Variants in PRKCG observed in about 807,000 individuals in gnomAD.
PRKCG encodes the protein protein kinase C gamma type.
In PRKCG, 28 loss-of-function variants were observed where a neutral mutation model predicts 82.0. The ratio of observed to expected loss-of-function variants is 0.34; its 90% CI spans 0.25 to 0.47. The LOEUF (loss-of-function observed/expected upper bound fraction) is 0.47. Ranked by LOEUF, PRKCG falls within the 20% of genes least tolerant of loss-of-function variation. The pLI, the probability that PRKCG is intolerant of heterozygous loss-of-function variation, is 1.00. For missense variants in PRKCG, 640 were observed against 952.7 expected (o/e 0.67, Z 4.32); for synonymous variants, 383 against 376.6 (o/e 1.02, Z -0.20).
chr19:53,891,290 T>C (rs1430795665), intron 5 of PRKCG, among the ~76,000 whole-genome samples: 3 of 151,414 alleles, frequency 2.0e-5, no homozygotes, highest in African/African-American at 7.3e-5. Flanking sequence ...TTTTTTTTTT[T>C]TTTTGAGACG....
chr19:53,889,760 T>C lies in PRKCG; in HGVS notation c.397+11T>C, dbSNP rs1416260531. The C allele has an allele frequency of 6.2e-7, 1 of 1,612,400 alleles. No individual in the cohort carries two copies. The highest frequency in any genetic ancestry group is 1.1e-5 in the South Asian group (1 of 90,788). On this transcript the variant is annotated intron_variant, in intron 4 of 17. Coordinates refer to ENST00000263431, the MANE Select transcript of PRKCG (RefSeq NM_002739.5). This position sits in a 1 kb window ranked among gnomAD's most constrained non-coding sequence, Gnocchi z 4.4. ...GCATGAAATGCTCCTGTGAGTGACCTGGGCCTTGCCAGGGCCCTTCCAAAG... is the reference window on the plus strand; with the variant it reads ...GCATGAAATGCTCCTGTGAGTGACCCGGGCCTTGCCAGGGCCCTTCCAAAG...
At chr19:53,882,189 G>T, upstream of PRKCG, 1 of 410,852 alleles carries the variant, frequency 2.4e-6, no homozygotes, top group Non-Finnish European at 4.4e-6. This position sits in a 1 kb window ranked among gnomAD's most constrained non-coding sequence, Gnocchi z 6.1. Flanking sequence ...CCCCAACCCG[G>T]GGCTCCCACA....
chr19:53,892,945 C>A lies in PRKCG; in HGVS notation c.822-43C>A. On this transcript the variant is annotated intron_variant, in intron 7 of 17. Transcript: ENST00000263431. The surrounding 1 kb of genome is among the most constrained non-coding windows in gnomAD (Gnocchi z 5.9). ...AATGTCTTTGCCTCTCCCATGGGTG[C>A]CCCATCCCCGCTGCCCGCCTCTGGT... 1 of 1,566,836 alleles carries A rather than the reference C, an allele frequency of 6.4e-7. No individual in the cohort carries two copies. Among genetic ancestry groups the A allele is most frequent in the Non-Finnish European group, 8.8e-7 (1 of 1,138,420 alleles).
intron 5 of PRKCG, among the ~76,000 whole-genome samples, chr19:53,891,389 G>A (rs1011552215): frequency 6.6e-6 from 1 of 150,648 alleles, no homozygotes; most frequent in Admixed American, 6.6e-5. Flanking sequence ...TCATTCTCCC[G>A]CCTCAGCCTC....
rs750574257 is a variant in PRKCG at position 53,883,199 on chromosome 19, G to C, written c.202+5G>C. ...AGCAGGGCCTGCAATGTCAAGGTAA[G>C]AGCTGGGGACCGGGGCTCCTGGGAC... On this transcript the variant is annotated splice_donor_5th_base_variant and intron_variant, in intron 2 of 17. Coordinates refer to ENST00000263431, the MANE Select transcript of PRKCG (RefSeq NM_002739.5). The surrounding 1 kb of genome is among the most constrained non-coding windows in gnomAD (Gnocchi z 5.4). The C allele has an allele frequency of 1.2e-6, 2 of 1,613,984 alleles. No homozygotes were observed. Among genetic ancestry groups the C allele is most frequent in the Non-Finnish European group, 1.7e-6 (2 of 1,179,972 alleles).
intron 5 of PRKCG, 101 bp from the exon 6 acceptor site, chr19:53,891,573 T>A: frequency 6.8e-7 from 1 of 1,480,686 alleles, no homozygotes; most frequent in Non-Finnish European, 9.4e-7. Flanking sequence ...TGAGCCGCCG[T>A]GCCTGGCCAA....
intron 9 of PRKCG, among the ~76,000 whole-genome samples, chr19:53,894,923 G>A (rs2068707111): frequency 6.6e-6 from 1 of 152,170 alleles, no homozygotes; most frequent in Non-Finnish European, 1.5e-5. Context: ...AGGCACTGGG[G>A]CGTCCCTGGC....
intron 3 of PRKCG, among the ~76,000 whole-genome samples, chr19:53,886,226 T>C (rs560738777): frequency 4.6e-5 from 7 of 151,700 alleles, no homozygotes; most frequent in African/African-American, 1.7e-4. Context: ...TGCCTCAGCC[T>C]CCCGAGTAGC....
intron 16 of PRKCG, among the ~76,000 whole-genome samples, chr19:53,906,010 G>C (rs1276569185): frequency 2.5e-5 from 2 of 80,550 alleles, no homozygotes; most frequent in African/African-American, 1.6e-4. Context: ...TCTCTGTCTC[G>C]CTCTCTGTCT....
Position 53,889,848 on chromosome 19 carries a change from G to A in PRKCG, c.398-38G>A, listed in dbSNP as rs758131821. The A allele has an allele frequency of 1.3e-6, 2 of 1,569,752 alleles. No homozygotes were observed. Among genetic ancestry groups the A allele is most frequent in the Admixed American group, 3.7e-5 (2 of 53,750 alleles). ...TGGGGGGTGGAGTCTTGGCTTGGGG[G>A]CGGGGCCTGAGGTGCTACCCGCAGC... On this transcript the variant is annotated intron_variant, in intron 4 of 17. Coordinates refer to ENST00000263431, the MANE Select transcript of PRKCG (RefSeq NM_002739.5). This position sits in a 1 kb window ranked among gnomAD's most constrained non-coding sequence, Gnocchi z 4.4.
At chr19:53,885,252 G>A (rs112471385) in intron 3 of PRKCG, among the ~76,000 whole-genome samples, 2,132 of 151,932 alleles carry the variant, frequency 0.014, 19 homozygotes, top group South Asian at 0.035. Flanking sequence ...TTTTTGAGAC[G>A]GAGTCGCGCT....
chr19:53,900,308 A>G lies in PRKCG; in HGVS notation c.1357A>G (p.Lys453Glu), dbSNP rs1182737267. The G allele has an allele frequency of 6.2e-7, 1 of 1,614,104 alleles. No individual in the cohort carries two copies. The highest frequency in any genetic ancestry group is 1.1e-5 in the South Asian group (1 of 91,076). The change falls in exon 12 of 18, where the codon AAG (lysine) becomes GAG (glutamate). Residue 453 changes from lysine (K) to glutamate (E), a missense_variant. By Grantham distance (56) the Lys-to-Glu change is moderately conservative (BLOSUM62 1). Transcript: ENST00000263431. The surrounding 1 kb of genome is among the most constrained non-coding windows in gnomAD (Gnocchi z 4.2). Reference protein sequence around the residue: ...MYHIQQLGKFKEPHAAFYAAE... With the variant: ...MYHIQQLGKFEEPHAAFYAAE... ...CCACATTCAACAGCTGGGCAAGTTT[A>G]AGGAGCCCCATGCAGCGTGAGTCTC...
At chr19:53,904,943 A>G (rs1405966515) in intron 16 of PRKCG, among the ~76,000 whole-genome samples, 1 of 152,102 alleles carries the variant, frequency 6.6e-6, no homozygotes, top group Non-Finnish European at 1.5e-5. Flanking sequence ...CCTCTGTCTC[A>G]TCCTTCTCTG....
At position 53,900,469 on chromosome 19, in the gene PRKCG, G is replaced by T; in HGVS notation, c.1424G>T (p.Gly475Val). Residue 475 changes from glycine (G) to valine (V), a missense_variant, in exon 13 of 18, where the codon GGC (glycine) becomes GTC (valine). By Grantham distance (109) the Gly-to-Val change is moderately radical. Around this residue, in one of 7 missense-constraint regions of PRKCG, gnomAD observed 78 missense variants for 105.6 expected, o/e 0.74. Coordinates refer to ENST00000263431, the MANE Select transcript of PRKCG (RefSeq NM_002739.5). This position sits in a 1 kb window ranked among gnomAD's most constrained non-coding sequence, Gnocchi z 4.2. ...AIGLFFLHNQGIIYRDLKLDN... is the reference protein window; with the variant it reads ...AIGLFFLHNQVIIYRDLKLDN... Reference sequence around the variant, plus strand: ...GGCCTCTTCTTCCTTCACAATCAGGGCATCATCTACAGGTGAGCAGCCCCA... The same window carrying T: ...GGCCTCTTCTTCCTTCACAATCAGGTCATCATCTACAGGTGAGCAGCCCCA... The T allele has an allele frequency of 6.2e-7, 1 of 1,614,140 alleles. No individual in the cohort carries two copies. Among genetic ancestry groups the T allele is most frequent in the Non-Finnish European group, 8.5e-7 (1 of 1,180,040 alleles).
chr19:53,887,693 G>A (rs571807653), intron 3 of PRKCG, among the ~76,000 whole-genome samples: 28 of 150,740 alleles, frequency 1.9e-4, no homozygotes, highest in East Asian at 9.8e-4. Flanking sequence ...AGCCAGGCAC[G>A]GTGGCACGCG....
chr19:53,893,316 C>G, intron 8 of PRKCG, 46 bp from the exon 9 acceptor site: 1 of 1,586,184 alleles, frequency 6.3e-7, no homozygotes, highest in Non-Finnish European at 8.7e-7. Context: ...CTAGGGCGAT[C>G]CCCTGCATCT....
chr19:53,900,957 G>A lies in PRKCG; in HGVS notation c.1575+208G>A, dbSNP rs2068759039. The stretch of plus-strand genomic sequence containing the variant: ...TGGGCCCAGCTGGGTCTCTAAATAG[G>A]TAAGGTGGGCAGCACCTGTGGGTGA... On this transcript the variant is annotated intron_variant, in intron 14 of 17. Coordinates refer to ENST00000263431, the MANE Select transcript of PRKCG (RefSeq NM_002739.5). This position sits in a 1 kb window ranked among gnomAD's most constrained non-coding sequence, Gnocchi z 4.2. Among the ~76,000 whole-genome samples, 1 of 152,194 alleles carries A rather than the reference G, an allele frequency of 6.6e-6. No individual in the cohort carries two copies. Among genetic ancestry groups the A allele is most frequent in the South Asian group, 2.1e-4 (1 of 4,834 alleles).
Position 53,903,928 on chromosome 19 carries a change from A to C in PRKCG, c.1657-707A>C, listed in dbSNP as rs1372596402. Among the ~76,000 whole-genome samples, 3 of 152,158 alleles carry C rather than the reference A, an allele frequency of 2.0e-5. No individual in the cohort carries two copies. The East Asian group carries it at 5.8e-4, about 29-fold the overall frequency. ...TAAGTAGTAAGTTCTAATGGTAGTA[A>C]AGTAAAAAGGAGCTCTAACAGTAAT... is the stretch of plus-strand genomic sequence containing the variant. On this transcript the variant is annotated intron_variant, in intron 15 of 17. Transcript: ENST00000263431.
intron 3 of PRKCG, among the ~76,000 whole-genome samples, chr19:53,886,255 G>A (rs1027239154): frequency 6.6e-6 from 1 of 151,040 alleles, no homozygotes; most frequent in African/African-American, 2.4e-5. Flanking sequence ...GAACAGGCAT[G>A]AGCCACCATG....
Sources: allele counts gnomAD v4.1 joint callset (sites outside exome capture counted in the v4.1 genomes callset), GRCh38; gene constraint gnomAD v4.1.1; regional missense constraint gnomAD v4.1.1; non-coding constraint Gnocchi (gnomAD v3.1); transcripts MANE v1.5; gene names NCBI Gene and HGNC (gene_info 2026-07-23, HGNC 2026-07-21).